SOX6: variants seen among roughly 807,000 people sequenced by gnomAD.
SOX6 encodes the protein SRY-box transcription factor 6.
SOX6 carries 11 observed loss-of-function variants against 97.8 expected under a neutral mutation model. The ratio of observed to expected loss-of-function variants is 0.11; its 90% confidence interval spans 0.07 to 0.19. The LOEUF (loss-of-function observed/expected upper bound fraction) is 0.19, where lower values mean the gene tolerates loss of function less well. Ranked by LOEUF, SOX6 falls within the 10% of genes least tolerant of loss-of-function variation. The probability of loss-of-function intolerance (pLI) is 1.00; values close to 1 mark genes in which losing one functional copy is unlikely to be tolerated. For missense variants in SOX6, 810 were observed against 1,039.5 expected (o/e 0.78, Z 3.04); for synonymous variants, 360 against 371.4 (o/e 0.97, Z 0.35).
chr11:15,973,821 G>A lies in SOX6; in HGVS notation c.2184-709C>T, dbSNP rs535452350. 2.0e-4 allele frequency among the ~76,000 whole-genome samples: 31 copies of A among 152,216 alleles called. No individual in the cohort carries two copies. In the South Asian group the frequency reaches 4.6e-3, roughly 22 times the overall value. On this transcript the variant is annotated intron_variant, in intron 15 of 15. Coordinates refer to ENST00000683767, the MANE Select transcript of SOX6 (RefSeq NM_001367873.1). ...GAGTTGCAGAGTAGACACCAGATAC[G>A]CTGCCTCACCCTAGATCCCAGAGGG...
At chr11:16,361,632 C>A (rs1198699913) in intron 1 of SOX6, among the ~76,000 whole-genome samples, 1 of 152,068 alleles carries the variant, frequency 6.6e-6, no homozygotes, top group East Asian at 1.9e-4. Context: ...TAAGCAAAGA[C>A]CCTGAAACTC....
chr11:16,531,373 T>A (rs1861233634), intron 4 of SOX6, among the ~76,000 whole-genome samples: 1 of 151,712 alleles, frequency 6.6e-6, no homozygotes, highest in Non-Finnish European at 1.5e-5. Context: ...ACTGGACCCA[T>A]ATATACATTT....
intron 4 of SOX6, among the ~76,000 whole-genome samples, chr11:16,487,256 T>G (rs1377643920): frequency 1.3e-5 from 2 of 152,146 alleles, no homozygotes; most frequent in Non-Finnish European, 2.9e-5. Flanking sequence ...AAAAATTAAG[T>G]CTTAGTTATT....
chr11:16,140,576 G>A (rs941628002), intron 6 of SOX6, among the ~76,000 whole-genome samples: 1 of 152,142 alleles, frequency 6.6e-6, no homozygotes, highest in African/African-American at 2.4e-5. Context: ...ACATAATGTG[G>A]TTCAGTGTCT....
At chr11:16,176,070 C>CGGACGGAT (rs1280678561) in intron 6 of SOX6, among the ~76,000 whole-genome samples, 79 of 148,420 alleles carry the variant, frequency 5.3e-4, no homozygotes, top group South Asian at 1.7e-3. Context: ...GACGGACGGA[C>CGGACGGAT]GGATGGATGG....
Position 16,393,011 on chromosome 11 carries a change from A to G in SOX6, c.-4-51759T>C, listed in dbSNP as rs183119842. On this transcript the variant is annotated intron_variant, in intron 1 of 15. Transcript: ENST00000396356. ...TCTTTCTAATGACAAGAACTTCATCATCACAACAAAAAGCCCATTCCATTT... is the reference window on the plus strand; with the variant it reads ...TCTTTCTAATGACAAGAACTTCATCGTCACAACAAAAAGCCCATTCCATTT... Among the ~76,000 whole-genome samples, 605 of 152,188 alleles carry G rather than the reference A, an allele frequency of 4.0e-3. 1 individual carries two copies. The highest frequency in any genetic ancestry group is 0.024 in the Middle Eastern group (7 of 294).
intron 1 of SOX6, among the ~76,000 whole-genome samples, chr11:16,438,455 C>A (rs1056466607): frequency 6.6e-6 from 1 of 152,090 alleles, no homozygotes; most frequent in African/African-American, 2.4e-5. Flanking sequence ...TTTGTAGTTT[C>A]TTTCCTAGAA....
chr11:16,246,478 T>G (rs529489158), intron 3 of SOX6, among the ~76,000 whole-genome samples: 4 of 152,068 alleles, frequency 2.6e-5, no homozygotes, highest in African/African-American at 7.2e-5. Context: ...TTTAATGTCT[T>G]TATTTCACCT....
chr11:16,514,234 G>T (rs1383779611), intron 4 of SOX6, among the ~76,000 whole-genome samples: 2 of 143,156 alleles, frequency 1.4e-5, no homozygotes, highest in Admixed American at 6.9e-5. Context: ...AAAAAAAAAG[G>T]TGTTTAAAAA....
At chr11:16,608,283 C>CT (rs752500183) in intron 4 of SOX6, among the ~76,000 whole-genome samples, 11 of 151,976 alleles carry the variant, frequency 7.2e-5, no homozygotes, top group Non-Finnish European at 1.5e-5. Context: ...TGAATGGTAG[C>CT]TTGTGCTTTG....
chr11:16,428,680 T>C (rs981606680), intron 1 of SOX6, among the ~76,000 whole-genome samples: 1 of 152,204 alleles, frequency 6.6e-6, no homozygotes, highest in African/African-American at 2.4e-5. Flanking sequence ...GTTCCATTGA[T>C]CTATATCCCT....
At chr11:16,372,466 C>A (rs1236716701) in intron 1 of SOX6, among the ~76,000 whole-genome samples, 1 of 151,976 alleles carries the variant, frequency 6.6e-6, no homozygotes, top group East Asian at 1.9e-4. Flanking sequence ...GCCAACTAAT[C>A]AAGGTTGTTA....
chr11:16,395,231 C>G (rs557549570), intron 1 of SOX6, among the ~76,000 whole-genome samples: 42 of 151,828 alleles, frequency 2.8e-4, no homozygotes, highest in South Asian at 1.0e-3. Flanking sequence ...TGGGCCAGTC[C>G]GGAGTGAAGG....
intron 4 of SOX6, among the ~76,000 whole-genome samples, chr11:16,522,457 C>G (rs1271396989): frequency 6.6e-6 from 1 of 151,996 alleles, no homozygotes; most frequent in Non-Finnish European, 1.5e-5. Context: ...ACCAGGCCTG[C>G]CCTAAAAGAG....
At chr11:16,041,357 C>T (rs986450284) in intron 12 of SOX6, among the ~76,000 whole-genome samples, 1 of 152,010 alleles carries the variant, frequency 6.6e-6, no homozygotes, top group Admixed American at 6.6e-5. Flanking sequence ...ATTGACAATG[C>T]GAAGCAGAAG....
intron 2 of SOX6, among the ~76,000 whole-genome samples, chr11:16,715,902 T>C (rs1848216556): frequency 6.6e-6 from 1 of 152,166 alleles, no homozygotes; most frequent in South Asian, 2.1e-4. Flanking sequence ...ATTTCAAAGT[T>C]CTAGTCTCCA....
chr11:16,302,566 C>CTTTTTTTTTTTTTTTTTT (rs71044096), intron 3 of SOX6, among the ~76,000 whole-genome samples: 59 of 86,996 alleles, frequency 6.8e-4, no homozygotes, highest in East Asian at 1.1e-3. Context: ...TTCTTTTTTT[C>CTTTTTTTTTTTTTTTTTT]TTTTTTTTTT....
chr11:16,291,363 G>GAATAAATA lies in SOX6; in HGVS notation c.445+27075_445+27082dup, dbSNP rs138094110. On this transcript the variant is annotated intron_variant, in intron 3 of 15. Coordinates refer to ENST00000683767, the MANE Select transcript of SOX6 (RefSeq NM_001367873.1). ...TAATATCCTGCTCAATATAATGAAT[G>GAATAAATA]AATAAATAAATAAATAAATAAATAA... Among the ~76,000 whole-genome samples, 237 of 148,130 alleles carry GAATAAATA rather than the reference G, an allele frequency of 1.6e-3. 2 individuals carry two copies. The highest frequency in any genetic ancestry group is 4.9e-3 in the African/African-American group (195 of 40,156).
intron 1 of SOX6, chr11:16,402,561 G>A: frequency 1.6e-6 from 2 of 1,234,634 alleles, no homozygotes; most frequent in Non-Finnish European, 2.4e-6. Flanking sequence ...AAGCACACTG[G>A]AATCTCAGAG....
Sources: allele counts gnomAD v4.1 joint callset (sites outside exome capture counted in the v4.1 genomes callset), GRCh38; gene constraint gnomAD v4.1.1; transcripts MANE v1.5; gene names NCBI Gene and HGNC (gene_info 2026-07-23, HGNC 2026-07-21).